RNF212: variants seen among roughly 807,000 people sequenced by gnomAD.
The protein encoded by RNF212 is ring finger protein 212.
In RNF212, 33 loss-of-function variants were observed where a neutral mutation model predicts 34.7. The ratio of observed to expected loss-of-function variants is 0.95; its 90% CI spans 0.72 to 1.27. The LOEUF is 1.27. RNF212 is among the 50% of genes most tolerant of loss of function. The pLI is 0.00. For synonymous variants in RNF212, 140 were observed against 136.1 expected, an observed-to-expected ratio of 1.03 and a Z score of -0.20; for missense variants, 377 against 362.2, an observed-to-expected ratio of 1.04 and a Z score of -0.33.
At chr4:1,081,914 A>G (rs1720417827) in intron 5 of RNF212, 1 of 370,318 alleles carries the variant, frequency 2.7e-6, no homozygotes, top group Admixed American at 4.3e-5. Context: ...AAGGTGTGAA[A>G]TTAAGACCTG....
At chr4:1,082,776 T>C (rs1024453508) in intron 5 of RNF212, among the ~76,000 whole-genome samples, 5 of 152,226 alleles carry the variant, frequency 3.3e-5, no homozygotes, top group Admixed American at 2.0e-4. Flanking sequence ...GTGCTGAGAA[T>C]GCACCTGGTG....
rs534913683 is a variant in RNF212 at position 1,101,217 on chromosome 4, T to A, written c.172-4378A>T. On this transcript the variant is annotated intron_variant, in intron 2 of 9. Transcript: ENST00000433731. ...GGCACTCACAGTGCAGTAGCCGTGG[T>A]GGCATCTCTACACACCCCATCTTCC... 1.1e-3 allele frequency: 300 copies of A among 278,182 alleles called. 1 individual carries two copies. Among genetic ancestry groups the A allele is most frequent in the Non-Finnish European group, 1.9e-3 (257 of 138,846 alleles). 17.2% of individuals were successfully genotyped at this position (278,182 alleles called of 1,614,324 possible).
At chr4:1,092,457 C>T (rs1722337522) in intron 3 of RNF212, among the ~76,000 whole-genome samples, 4 of 152,146 alleles carry the variant, frequency 2.6e-5, no homozygotes, top group Non-Finnish European at 4.4e-5. Flanking sequence ...TCCAGGACTC[C>T]ATTAGGGGGA....
chr4:1,103,394 G>A (rs1032469810), intron 2 of RNF212, among the ~76,000 whole-genome samples: 4 of 152,148 alleles, frequency 2.6e-5, no homozygotes, highest in African/African-American at 9.7e-5. Flanking sequence ...CTTGTTTTAT[G>A]AAACCAGAAC....
rs932282047 is a variant in RNF212, at chr4:1,105,526, G to T, written c.171+2817C>A. ...CCAGGTCAAGGAACACAGCGTCAGA[G>T]GGTCACTTTTACATGGTAGTGTCTG... is the stretch of plus-strand genomic sequence containing the variant. On this transcript the variant is annotated intron_variant, in intron 2 of 9. Coordinates refer to ENST00000433731, the MANE Select transcript of RNF212 (RefSeq NM_001131034.4). Among the ~76,000 whole-genome samples the T allele has an allele frequency of 2.5e-4, 38 of 152,378 alleles. 2 individuals are homozygous for T. The highest frequency in any genetic ancestry group is 1.2e-4 in the Non-Finnish European group (8 of 68,030).
At chr4:1,093,472 T>A in intron 3 of RNF212, 4 of 1,449,946 alleles carry the variant, frequency 2.8e-6, no homozygotes, top group Non-Finnish European at 3.6e-6. Flanking sequence ...ACCCTGCGTT[T>A]GTGATGCTCA....
chr4:1,090,734 A>C, intron 4 of RNF212, 48 bp downstream of exon 4: 1 of 1,026,830 alleles, frequency 9.7e-7, no homozygotes, highest in Non-Finnish European at 1.5e-6. Context: ...TGACATTTAA[A>C]TCTAAAGGTC....
chr4:1,092,756 C>G lies in RNF212; in HGVS notation c.247-1918G>C, dbSNP rs142214972. On this transcript the variant is annotated intron_variant, in intron 3 of 9. Transcript: ENST00000433731. The stretch of plus-strand genomic sequence containing the variant: ...CCCAGGGCCCCAAGGAAGAGCTGCC[C>G]GGTGCTCACGCGTGCTTTGCCCGCA... Among the ~76,000 whole-genome samples the G allele has an allele frequency of 3.1e-3, 470 of 152,358 alleles. 3 individuals carry two copies. Among genetic ancestry groups the G allele is most frequent in the African/African-American group, 0.011 (445 of 41,584 alleles).
intron 4 of RNF212, among the ~76,000 whole-genome samples, chr4:1,090,291 A>G (rs1459923526): frequency 6.6e-6 from 1 of 152,096 alleles, no homozygotes; most frequent in African/African-American, 2.4e-5. Context: ...GTTTGGGTGT[A>G]CACAGAATGT....
At chr4:1,113,616 C>G (rs946163131), upstream of RNF212, 3 of 523,716 alleles carry the variant, frequency 5.7e-6, no homozygotes, top group Admixed American at 8.8e-5. Flanking sequence ...AGCTCGCGCC[C>G]TCCCGCCAAC....
At chr4:1,090,906 G>C in intron 3 of RNF212, 68 bp from the exon 4 acceptor site, 1 of 997,462 alleles carries the variant, frequency 1.0e-6, no homozygotes, top group Non-Finnish European at 1.6e-6. Flanking sequence ...TTTTGTTGGG[G>C]GAGGAGGAGG....
intron 7 of RNF212, among the ~76,000 whole-genome samples, chr4:1,080,354 G>A (rs1339080309): frequency 2.6e-5 from 4 of 152,132 alleles, no homozygotes; most frequent in African/African-American, 9.7e-5. Context: ...TTGAAGACAG[G>A]TTTAACTTTC....
chr4:1,088,425 C>G (rs532434397), intron 4 of RNF212, among the ~76,000 whole-genome samples: 2 of 152,286 alleles, frequency 1.3e-5, no homozygotes, highest in East Asian at 3.9e-4. Flanking sequence ...TTTTCTGAAG[C>G]ATACAGTCAC....
In RNF212 at chr4:1,099,872, A is replaced by G. The variant is rs1472108293; in HGVS notation, c.172-3033T>C. ...GTGCGGGATCCACGGGGCTCTCCTC[A>G]CGCAGCTGTAAAGGCGTGCTGTTGG... On this transcript the variant is annotated intron_variant, in intron 2 of 9. Coordinates refer to ENST00000433731, the MANE Select transcript of RNF212 (RefSeq NM_001131034.4). 6.6e-6 allele frequency: 3 copies of G among 456,224 alleles called. No individual in the cohort carries two copies. In the Admixed American group the frequency reaches 7.0e-5, roughly 11 times the overall value. 28.3% of individuals were successfully genotyped at this position (456,224 alleles called of 1,614,324 possible).
At chr4:1,056,721 A>T in intron 4 of RNF212, 1 of 567,934 alleles carries the variant, frequency 1.8e-6, no homozygotes, top group Non-Finnish European at 2.2e-6. Context: ...CAGAAACACA[A>T]CTCTTGAGAA....
intron 8 of RNF212, among the ~76,000 whole-genome samples, chr4:1,076,083 C>A (rs1719249426): frequency 6.6e-6 from 1 of 152,220 alleles, no homozygotes; most frequent in South Asian, 2.1e-4. Flanking sequence ...ATGCCATGCT[C>A]ATTTAAGGTT....
intron 2 of RNF212, chr4:1,100,180 G>A (rs1023560845): frequency 6.4e-6 from 2 of 313,998 alleles, no homozygotes; most frequent in Non-Finnish European, 1.2e-5. Context: ...TTTCAGAATC[G>A]TACCAGGCTT....
rs1350903016 is a variant in RNF212 at position 1,096,820 on chromosome 4, G to A, written c.191C>T (p.Ala64Val). 3.1e-6 allele frequency: 5 copies of A among 1,612,490 alleles called. No homozygotes were observed. Among genetic ancestry groups the A allele is most frequent in the Non-Finnish European group, 4.2e-6 (5 of 1,178,546 alleles). Residue 64 changes from alanine (A) to valine (V), a missense_variant, in exon 3 of 10, where the codon GCA becomes GTA. Ala to Val is a moderately conservative substitution (Grantham distance 64). Transcript: ENST00000433731. ...CAGACTGTCTATGCTCATGAAGAATGCCTGGATATCTGCGTCGGTCTGAAA... is the reference window on the plus strand; with the variant it reads ...CAGACTGTCTATGCTCATGAAGAATACCTGGATATCTGCGTCGGTCTGAAA... ...LSKHTDADIQ[A>V]FFMSIDSLCK...
chr4:1,065,055 A>G (rs1460786742), intron 3 of RNF212, among the ~76,000 whole-genome samples: 2 of 152,234 alleles, frequency 1.3e-5, no homozygotes, highest in Admixed American at 1.3e-4. Flanking sequence ...GGATACTTAG[A>G]TGGCTCCCAT....
Sources: allele counts gnomAD v4.1 joint callset (sites outside exome capture counted in the v4.1 genomes callset), GRCh38; gene constraint gnomAD v4.1.1; transcripts MANE v1.5; gene names NCBI Gene and HGNC (gene_info 2026-07-23, HGNC 2026-07-21).